The following MCTP2 variants were observed in gnomAD, a reference collection of about 807,000 sequenced individuals.
MCTP2 encodes the protein multiple C2 and transmembrane domain containing 2.
Under a neutral mutation model 111.6 loss-of-function variants are expected in MCTP2, and 132 were observed. The ratio of observed to expected loss-of-function variants is 1.18; its 90% CI spans 1.03 to 1.37. The LOEUF is 1.37. MCTP2 is among the 40% of genes most tolerant of loss of function. MCTP2 has a pLI of 0.00. For missense variants in MCTP2, 1,183 were observed against 1,067.9 expected, an observed-to-expected ratio of 1.11 and a Z score of -1.50; for synonymous variants, 395 against 387.7, an observed-to-expected ratio of 1.02 and a Z score of -0.22.
intron 12 of MCTP2, among the ~76,000 whole-genome samples, chr15:94,378,105 T>C (rs1004874866): frequency 6.6e-5 from 10 of 152,140 alleles, no homozygotes; most frequent in African/African-American, 2.4e-4. Flanking sequence ...AAGTTTATTC[T>C]GGCAGCTGTG....
In MCTP2 at chr15:94,247,399, G is replaced by A. The variant is rs75178940; in HGVS notation, c.-66+15735G>A. ...AGATCCAAATGTTAATGGAAAGAGGGGACAGAGAGCTGGGCTTTAGGATCC... is the reference window on the plus strand; with the variant it reads ...AGATCCAAATGTTAATGGAAAGAGGAGACAGAGAGCTGGGCTTTAGGATCC... On this transcript the variant is annotated intron_variant, in intron 1 of 22. Transcript: ENST00000357742. Among the ~76,000 whole-genome samples the A allele has an allele frequency of 1.2e-4, 18 of 152,204 alleles. No individual in the cohort carries two copies. The East Asian group carries it at 3.3e-3, about 28-fold the overall frequency.
Position 94,340,841 on chromosome 15 carries a change from G to C in MCTP2, c.886G>C (p.Asp296His), listed in dbSNP as rs752639252. The change falls in exon 7 of 23, where the codon GAT becomes CAT. Residue 296 changes from aspartate (D) to histidine (H), a missense_variant. Coordinates refer to ENST00000357742, the MANE Select transcript of MCTP2 (RefSeq NM_001385001.1). Reference sequence around the variant, plus strand: ...AACTGAACATATTTTAAAACTGGAAGATCCAAACAGTTTAGAAGATGACAT... The same window carrying C: ...AACTGAACATATTTTAAAACTGGAACATCCAAACAGTTTAGAAGATGACAT... Reference protein sequence around the residue: ...RTTEHILKLEDPNSLEDDMGV... With the variant: ...RTTEHILKLEHPNSLEDDMGV... 2.5e-5 allele frequency: 41 copies of C among 1,611,450 alleles called. No homozygotes were observed. In the Admixed American group the frequency reaches 6.9e-4, roughly 27 times the overall value.
intron 1 of MCTP2, among the ~76,000 whole-genome samples, chr15:94,267,632 C>T (rs1366637868): frequency 6.6e-6 from 1 of 152,014 alleles, no homozygotes; most frequent in Non-Finnish European, 1.5e-5. Context: ...GAAATTTATA[C>T]TTCAATTATA....
chr15:94,388,648 CTT>C (rs2152459835), intron 14 of MCTP2, among the ~76,000 whole-genome samples: 1 of 152,084 alleles, frequency 6.6e-6, no homozygotes, highest in African/African-American at 2.4e-5. Context: ...TTTAATCTCT[CTT>C]GAGTGATGCT....
chr15:94,461,360 T>C (rs923466700), intron 20 of MCTP2, among the ~76,000 whole-genome samples: 1 of 152,102 alleles, frequency 6.6e-6, no homozygotes, highest in African/African-American at 2.4e-5. Flanking sequence ...CTCCAGAGGC[T>C]GAGGCAGGAG....
intron 14 of MCTP2, among the ~76,000 whole-genome samples, chr15:94,398,122 C>T (rs970149235): frequency 3.3e-5 from 5 of 152,132 alleles, no homozygotes; most frequent in Non-Finnish European, 7.4e-5. Flanking sequence ...GGAACTGATG[C>T]AACATGCCAG....
intron 2 of MCTP2, among the ~76,000 whole-genome samples, chr15:94,311,416 A>T (rs749474713): frequency 6.6e-6 from 1 of 152,184 alleles, no homozygotes; most frequent in Non-Finnish European, 1.5e-5. Flanking sequence ...TAATGAAAAA[A>T]GTAAGTTAGT....
intron 1 of MCTP2, among the ~76,000 whole-genome samples, chr15:94,268,975 G>C (rs145749114): frequency 5.2e-4 from 79 of 152,210 alleles, no homozygotes; most frequent in South Asian, 4.1e-4. Flanking sequence ...TAAACTATTA[G>C]CATAAGGGTT....
chr15:94,440,648 T>C lies in MCTP2; in HGVS notation c.2208+350T>C, dbSNP rs186038713. Among the ~76,000 whole-genome samples, 58 of 152,310 alleles carry C rather than the reference T, an allele frequency of 3.8e-4. 1 individual carries two copies. Among genetic ancestry groups the C allele is most frequent in the South Asian group, 2.1e-4 (1 of 4,824 alleles). ...AAACCTTTGCTGGCTCTGTGGGCCA[T>C]TGCTGGGCATGCAGAGAGCTCTGCA... On this transcript the variant is annotated intron_variant, in intron 18 of 22. Coordinates refer to ENST00000357742, the MANE Select transcript of MCTP2 (RefSeq NM_001385001.1).
At chr15:94,267,705 A>T (rs771700042) in intron 1 of MCTP2, among the ~76,000 whole-genome samples, 2 of 152,068 alleles carry the variant, frequency 1.3e-5, no homozygotes, top group African/African-American at 4.8e-5. Flanking sequence ...TAATCAATGT[A>T]TGAGAATTCC....
At chr15:94,341,214 G>A (rs1380959787) in intron 7 of MCTP2, 1 of 337,200 alleles carries the variant, frequency 3.0e-6, no homozygotes, top group South Asian at 3.3e-5. Flanking sequence ...TAGCTACCAA[G>A]TTTTCCATTG....
intron 21 of MCTP2, 61 bp from the exon 22 acceptor site, chr15:94,476,634 AG>A: frequency 2.4e-6 from 2 of 847,668 alleles, no homozygotes; most frequent in Non-Finnish European, 4.0e-6. Flanking sequence ...ATAGATAGAT[AG>A]ATAGATAGAT....
chr15:94,266,071 C>A (rs534575189), intron 1 of MCTP2, among the ~76,000 whole-genome samples: 2 of 59,774 alleles, frequency 3.3e-5, no homozygotes, highest in East Asian at 1.1e-3. Context: ...CACGTGCATG[C>A]GTGTGCGCGC....
chr15:94,391,161 G>T (rs1419561362), intron 14 of MCTP2, among the ~76,000 whole-genome samples: 1 of 152,042 alleles, frequency 6.6e-6, no homozygotes, highest in Admixed American at 6.6e-5. Context: ...GTGAATCCAT[G>T]TACACCCGAT....
Position 94,302,072 on chromosome 15 carries a change from A to G in MCTP2, c.465+3342A>G, listed in dbSNP as rs147156501. Among the ~76,000 whole-genome samples the G allele has an allele frequency of 9.2e-5, 14 of 152,240 alleles. 1 individual carries two copies. The East Asian group carries it at 2.7e-3, about 29-fold the overall frequency. On this transcript the variant is annotated intron_variant, in intron 2 of 22. Coordinates refer to ENST00000357742, the MANE Select transcript of MCTP2 (RefSeq NM_001385001.1). ...ATTTTTGTCCAGTGTTCTCAGTTTA[A>G]CTTACTTTGTTTTTAGCTTTCCAGA...
chr15:94,271,716 T>G (rs1596237733), intron 1 of MCTP2, among the ~76,000 whole-genome samples: 1 of 152,244 alleles, frequency 6.6e-6, no homozygotes, highest in East Asian at 1.9e-4. Flanking sequence ...ATGTGATGAT[T>G]TCTTTAAAAT....
chr15:94,345,186 T>A (rs538171651), intron 8 of MCTP2, 22 bp downstream of exon 8: 2 of 1,605,718 alleles, frequency 1.2e-6, no homozygotes, highest in Admixed American at 1.7e-5. Context: ...TTTTTTTCCT[T>A]TAGATCATTT....
intron 1 of MCTP2, among the ~76,000 whole-genome samples, chr15:94,293,122 G>A (rs903610179): frequency 6.6e-6 from 1 of 152,026 alleles, no homozygotes; most frequent in Admixed American, 6.6e-5. Flanking sequence ...AAACATGGGA[G>A]AAAACCTTTG....
rs187162892 is a variant in MCTP2 at position 94,459,202 on chromosome 15, G to T, written c.2360+956G>T. On this transcript the variant is annotated intron_variant, in intron 20 of 22. Transcript: ENST00000357742. Reference sequence around the variant, plus strand: ...CTAAGGATTAATTCTTACTTTATTGGTCGTGTCTACGGGGATCATTCTAGT... The same window carrying T: ...CTAAGGATTAATTCTTACTTTATTGTTCGTGTCTACGGGGATCATTCTAGT... Among the ~76,000 whole-genome samples, 138 of 152,080 alleles carry T rather than the reference G, an allele frequency of 9.1e-4. 3 individuals are homozygous for T. The highest frequency in any genetic ancestry group is 5.8e-3 in the Admixed American group (89 of 15,280).
Sources: allele counts gnomAD v4.1 joint callset (sites outside exome capture counted in the v4.1 genomes callset), GRCh38; gene constraint gnomAD v4.1.1; transcripts MANE v1.5; gene names NCBI Gene and HGNC (gene_info 2026-07-23, HGNC 2026-07-21).